Variants in ANAPC10 observed in about 807,000 individuals in gnomAD.
ANAPC10 encodes the protein anaphase-promoting complex subunit 10.
A neutral mutation model predicts 22.0 loss-of-function variants in ANAPC10; 12 were observed. That is an observed-to-expected ratio of 0.55 (90% confidence interval 0.35 to 0.88). The LOEUF (loss-of-function observed/expected upper bound fraction) is 0.88, where lower values mean the gene tolerates loss of function less well. Ranked by LOEUF, ANAPC10 falls within the 40% of genes least tolerant of loss-of-function variation. ANAPC10 has a pLI of 0.01. For missense variants in ANAPC10, 188 were observed against 220.9 expected (o/e 0.85, Z 0.94); for synonymous variants, 65 against 69.5 (o/e 0.94, Z 0.32).
At chr4:145,094,295 G>A (rs1487790836) in intron 2 of ANAPC10, among the ~76,000 whole-genome samples, 1 of 152,102 alleles carries the variant, frequency 6.6e-6, no homozygotes, top group Non-Finnish European at 1.5e-5. Context: ...GAAACCAAAG[G>A]GACCCAAAAC....
At chr4:145,017,244 G>A (rs1234409135) in intron 4 of ANAPC10, among the ~76,000 whole-genome samples, 1 of 151,820 alleles carries the variant, frequency 6.6e-6, no homozygotes, top group Non-Finnish European at 1.5e-5. Context: ...CTAATATCCA[G>A]AATCTACAAA....
intron 4 of ANAPC10, among the ~76,000 whole-genome samples, chr4:145,050,991 T>A (rs931485870): frequency 3.3e-5 from 5 of 152,224 alleles, no homozygotes; most frequent in Admixed American, 1.3e-4. Context: ...ATTCACAACT[T>A]CGCTGTTTGG....
At chr4:145,040,199 G>A (rs1279599175) in intron 4 of ANAPC10, among the ~76,000 whole-genome samples, 1 of 151,716 alleles carries the variant, frequency 6.6e-6, no homozygotes, top group African/African-American at 2.4e-5. Flanking sequence ...TGCCCGGGCT[G>A]GAGTACAATG....
rs1731414475 is a variant in ANAPC10, at chr4:144,995,041, C to T, written c.*332G>A. 5.7e-6 allele frequency: 1 copy of T among 174,250 alleles called. No individual in the cohort carries two copies. Among genetic ancestry groups the T allele is most frequent in the Admixed American group, 5.7e-5 (1 of 17,450 alleles). The allele number at this position is 174,250 out of a possible 1,614,324, so 10.8% of individuals were successfully genotyped here. A position where few individuals can be genotyped will look rare whatever the true frequency, so the allele number is the denominator to read the frequency against. On this transcript the variant is annotated 3_prime_UTR_variant, in exon 5 of 5. Transcript: ENST00000507656. ...AATGTATGAACACTAATGAAATAATCACCTAGCTATTATAATTGTGTATAT... is the reference window on the plus strand; with the variant it reads ...AATGTATGAACACTAATGAAATAATTACCTAGCTATTATAATTGTGTATAT...
At chr4:145,057,420 A>G (rs1195303508) in intron 4 of ANAPC10, among the ~76,000 whole-genome samples, 1 of 152,060 alleles carries the variant, frequency 6.6e-6, no homozygotes, top group African/African-American at 2.4e-5. Flanking sequence ...TATTCTCTTA[A>G]TTTTCTTCTC....
chr4:145,027,378 T>C (rs1017393190), intron 4 of ANAPC10, among the ~76,000 whole-genome samples: 1 of 151,776 alleles, frequency 6.6e-6, no homozygotes, highest in African/African-American at 2.4e-5. Context: ...ATGAGAAAAT[T>C]AGGGGTCTAA....
chr4:145,026,074 G>A (rs1013100625), intron 4 of ANAPC10, among the ~76,000 whole-genome samples: 1 of 152,110 alleles, frequency 6.6e-6, no homozygotes, highest in Admixed American at 6.5e-5. Flanking sequence ...CTCTTGCTCA[G>A]CTACGAGAAC....
At chr4:145,016,784 T>C (rs1362348598) in intron 4 of ANAPC10, among the ~76,000 whole-genome samples, 1 of 152,044 alleles carries the variant, frequency 6.6e-6, no homozygotes, top group Admixed American at 6.5e-5. Context: ...TACAGACCAA[T>C]GCAACAGAAC....
intron 4 of ANAPC10, among the ~76,000 whole-genome samples, chr4:145,011,156 A>C (rs765669229): frequency 6.6e-6 from 1 of 151,814 alleles, no homozygotes; most frequent in Non-Finnish European, 1.5e-5. Flanking sequence ...AAACGGTGGA[A>C]CCCCATCTCT....
chr4:145,059,073 T>G (rs1039770435), intron 4 of ANAPC10, among the ~76,000 whole-genome samples: 4 of 152,270 alleles, frequency 2.6e-5, no homozygotes, highest in African/African-American at 9.6e-5. Context: ...TCAAACCAAT[T>G]TATGTTTATA....
rs183201575 is a variant in ANAPC10 at position 145,087,484 on chromosome 4, A to G, written c.116-5734T>C. Among the ~76,000 whole-genome samples, 204 of 152,240 alleles carry G rather than the reference A, an allele frequency of 1.3e-3. 1 individual carries two copies. Among genetic ancestry groups the G allele is most frequent in the Non-Finnish European group, 2.1e-3 (142 of 68,010 alleles). ...CTAGGGGGCTATTTTAACTGAGGCA[A>G]ATGTCTTAACTATGAAGACCTAAAG... On this transcript the variant is annotated intron_variant, in intron 2 of 4. Transcript: ENST00000507656.
intron 4 of ANAPC10, among the ~76,000 whole-genome samples, chr4:145,010,509 T>C (rs1241650564): frequency 5.9e-5 from 9 of 152,164 alleles, no homozygotes; most frequent in Admixed American, 5.9e-4. Flanking sequence ...AAGGATGAGT[T>C]CTTGTCCTTT....
chr4:144,999,828 C>T (rs1312387277), intron 4 of ANAPC10, among the ~76,000 whole-genome samples: 1 of 152,190 alleles, frequency 6.6e-6, no homozygotes, highest in Non-Finnish European at 1.5e-5. Flanking sequence ...GTAACCTAAA[C>T]AGCATGGTAC....
chr4:145,072,010 CA>C (rs201572407), intron 3 of ANAPC10, among the ~76,000 whole-genome samples: 2 of 149,564 alleles, frequency 1.3e-5, no homozygotes, highest in African/African-American at 4.9e-5. Context: ...AAAAAAAACA[CA>C]AAAAAAACAA....
At chr4:144,997,615 A>G (rs1731823205) in intron 4 of ANAPC10, among the ~76,000 whole-genome samples, 1 of 152,226 alleles carries the variant, frequency 6.6e-6, no homozygotes, top group South Asian at 2.1e-4. Flanking sequence ...AGTACCAGAC[A>G]CTGCAAAAAC....
At chr4:145,004,469 G>C (rs925273778) in intron 4 of ANAPC10, among the ~76,000 whole-genome samples, 1 of 152,146 alleles carries the variant, frequency 6.6e-6, no homozygotes, top group African/African-American at 2.4e-5. Context: ...TATGATGTTG[G>C]CTGTGGGTTT....
intron 3 of ANAPC10, among the ~76,000 whole-genome samples, chr4:145,067,380 G>A (rs1743863244): frequency 1.3e-5 from 2 of 152,106 alleles, no homozygotes; most frequent in South Asian, 4.2e-4. Context: ...AAGGAAGAGG[G>A]CAATACTTTC....
At chr4:145,084,903 T>C (rs1312722333) in intron 2 of ANAPC10, among the ~76,000 whole-genome samples, 1 of 152,214 alleles carries the variant, frequency 6.6e-6, no homozygotes, top group Non-Finnish European at 1.5e-5. Flanking sequence ...CACCTATTTT[T>C]AGCCCTTTTA....
intron 2 of ANAPC10, among the ~76,000 whole-genome samples, chr4:145,082,840 C>T (rs1309818628): frequency 1.3e-5 from 2 of 152,156 alleles, no homozygotes; most frequent in Non-Finnish European, 2.9e-5. Context: ...GTTTAACTTA[C>T]ATTTCAGTTT....
Sources: allele counts gnomAD v4.1 joint callset (sites outside exome capture counted in the v4.1 genomes callset), GRCh38; gene constraint gnomAD v4.1.1; transcripts MANE v1.5; gene names NCBI Gene and HGNC (gene_info 2026-07-23, HGNC 2026-07-21).